NLRC4: variants seen among roughly 807,000 people sequenced by gnomAD.
The protein encoded by NLRC4 is NLR family CARD domain-containing protein 4.
In NLRC4, 63 loss-of-function variants were observed where a neutral mutation model predicts 79.9. The observed-to-expected ratio is 0.79, with a 90% CI of 0.64 to 0.97. The LOEUF is 0.97. NLRC4 is among the 50% of genes least tolerant of loss of function. The probability of loss-of-function intolerance (pLI) is 0.00; values close to 1 mark genes in which losing one functional copy is unlikely to be tolerated. For synonymous variants in NLRC4, 461 were observed against 456.5 expected (o/e 1.01, Z -0.12); for missense variants, 1,074 against 1,215.2 (o/e 0.88, Z 1.73).
At position 32,252,611 on chromosome 2, in the gene NLRC4, T is replaced by C; in HGVS notation, c.70A>G (p.Thr24Ala). The C allele has an allele frequency of 6.2e-7, 1 of 1,614,066 alleles. No individual in the cohort carries two copies. The highest frequency in any genetic ancestry group is 2.2e-5 in the East Asian group (1 of 44,892). ...ACATTCCATACAAATAGGTCATCTG[T>C]GATTTGCTTTATAACAGTCATTCCC... ...RMGMTVIKQITDDLFVWNVLN... is the reference protein window; with the variant it reads ...RMGMTVIKQIADDLFVWNVLN... Residue 24 changes from threonine to alanine, a missense_variant, in exon 3 of 9, where the codon ACA becomes GCA. By Grantham distance (58) the Thr-to-Ala change is moderately conservative (BLOSUM62 0). Transcript: ENST00000402280.
intron 5 of NLRC4, among the ~76,000 whole-genome samples, chr2:32,239,804 G>C (rs528705545): frequency 5.1e-4 from 78 of 152,208 alleles, no homozygotes; most frequent in African/African-American, 1.9e-3. Flanking sequence ...GCTATTTTAG[G>C]TTCTAGTGGA....
intron 5 of NLRC4, among the ~76,000 whole-genome samples, chr2:32,238,532 T>C (rs902040352): frequency 2.6e-5 from 4 of 152,236 alleles, no homozygotes; most frequent in African/African-American, 4.8e-5. Context: ...ATTCTCTTAG[T>C]AGCATGAGAA....
intron 4 of NLRC4, among the ~76,000 whole-genome samples, chr2:32,241,711 AAAC>A (rs1304208635): frequency 6.6e-6 from 1 of 152,164 alleles, no homozygotes; most frequent in Non-Finnish European, 1.5e-5. Flanking sequence ...CTTGGAAATT[AAAC>A]AACACATTTT....
Position 32,235,547 on chromosome 2 carries a change from T to G in NLRC4, c.2636A>C (p.Glu879Ala). Residue 879 changes from glutamate to alanine, a missense_variant, in exon 8 of 9, where the codon GAA (glutamate) becomes GCA (alanine). Physicochemically the swap from Glu to Ala is moderately radical, Grantham distance 107 (BLOSUM62 -1). Transcript: ENST00000402280. ...HELIDRMNVL[E>A]QLTALMLPWG... ...GGGCAGCATCAGTGCGGTGAGCTGT[T>G]CTAGCACGTTCATCCTGTCGACTGG... 1 of 1,614,082 alleles carries G rather than the reference T, an allele frequency of 6.2e-7. No individual in the cohort carries two copies.
At chr2:32,227,299 A>G (rs1686427108) in intron 8 of NLRC4, among the ~76,000 whole-genome samples, 1 of 152,192 alleles carries the variant, frequency 6.6e-6, no homozygotes, top group Non-Finnish European at 1.5e-5. Context: ...AAGCCATGGT[A>G]TAGTTGGGTC....
rs764318350 is a variant in NLRC4, at chr2:32,250,957, C to G, written c.907G>C (p.Asp303His). The part of the protein sequence containing the change: ...LTAEVGDMTE[D>H]SAQALIREVL... ...TCTCGGATGAGAGCCTGGGCGCTGT[C>G]TTCTGTCATATCCCCCACCTCAGCA... Residue 303 changes from aspartate to histidine, a missense_variant, in exon 4 of 9, where the codon GAC becomes CAC. By Grantham distance (81) the Asp-to-His change is moderately conservative. Transcript: ENST00000402280. The surrounding 1 kb of genome is among the most constrained non-coding windows in gnomAD (Gnocchi z 4.9). 4 of 1,614,176 alleles carry G rather than the reference C, an allele frequency of 2.5e-6. No individual in the cohort carries two copies.
At chr2:32,224,858 TC>T (rs2148927877) in intron 8 of NLRC4, 93 bp from the exon 9 acceptor site, 1 of 759,090 alleles carries the variant, frequency 1.3e-6, no homozygotes, top group Non-Finnish European at 2.1e-6. Context: ...TACTTTTTTT[TC>T]ACTCTGAAAT....
In NLRC4 at chr2:32,224,818, A is replaced by AAAG. The variant is rs539204086; in HGVS notation, c.2783-54_2783-53insCTT. The AAAG allele has an allele frequency of 2.5e-3, 2,656 of 1,074,028 alleles. 9 individuals are homozygous for AAAG. Among genetic ancestry groups the AAAG allele is most frequent in the Non-Finnish European group, 3.0e-3 (2,227 of 751,970 alleles). The allele number at this position is 1,074,028 out of a possible 1,614,324, so 66.5% of individuals were successfully genotyped here. A position where few individuals can be genotyped will look rare whatever the true frequency, so the allele number is the denominator to read the frequency against. ...GGAAGAAAAATTTTTTTTAAAAAAA[A>AAAG]AGAGAAATAGGTTCTACATTTATTT... On this transcript the variant is annotated intron_variant, in intron 8 of 8. Transcript: ENST00000402280.
At chr2:32,261,555 C>T (rs1263607890) in intron 1 of NLRC4, among the ~76,000 whole-genome samples, 1 of 149,212 alleles carries the variant, frequency 6.7e-6, no homozygotes, top group Non-Finnish European at 1.5e-5. Context: ...TGTGATCTGC[C>T]TGCCTCGGCC....
intron 8 of NLRC4, among the ~76,000 whole-genome samples, chr2:32,231,582 G>GGA (rs373688367): frequency 4.7e-5 from 5 of 106,580 alleles, no homozygotes; most frequent in South Asian, 3.9e-4. Flanking sequence ...TGTGGGGGGG[G>GGA]GGTGGGGGAC....
chr2:32,224,526 C>A lies in NLRC4; in HGVS notation c.3022G>T (p.Asp1008Tyr). The part of the protein sequence containing the change: ...QEARLVGWQF[D>Y]DDDLSVITGA... ...GTAATAACACTGAGATCATCATCAT[C>A]AAATTGCCACCCAACAAGCCTAGCT... The change falls in exon 9 of 9, where the codon GAT becomes TAT. Residue 1008 changes from aspartate to tyrosine, a missense_variant. Asp to Tyr is a radical substitution (Grantham distance 160). Transcript: ENST00000402280. The A allele has an allele frequency of 6.2e-7, 1 of 1,613,484 alleles. No individual in the cohort carries two copies. The highest frequency in any genetic ancestry group is 1.1e-5 in the South Asian group (1 of 90,996).
intron 8 of NLRC4, among the ~76,000 whole-genome samples, chr2:32,228,123 G>T (rs548956535): frequency 6.6e-6 from 1 of 152,316 alleles, no homozygotes; most frequent in African/African-American, 2.4e-5. Flanking sequence ...CATGGTCCCT[G>T]TCTAAATGGG....
chr2:32,244,633 A>C (rs773838147), intron 4 of NLRC4, among the ~76,000 whole-genome samples: 13 of 152,308 alleles, frequency 8.5e-5, no homozygotes, highest in Non-Finnish European at 1.2e-4. Flanking sequence ...GTCTATGATA[A>C]AAATGTCAAG....
chr2:32,228,037 T>C (rs564679623), intron 8 of NLRC4, among the ~76,000 whole-genome samples: 1 of 152,304 alleles, frequency 6.6e-6, no homozygotes, highest in East Asian at 1.9e-4. Flanking sequence ...TCACTGTTTA[T>C]TCATTCAGCA....
At chr2:32,259,110 T>A (rs926286425) in intron 1 of NLRC4, among the ~76,000 whole-genome samples, 28 of 151,882 alleles carry the variant, frequency 1.8e-4, no homozygotes, top group African/African-American at 6.5e-4. Flanking sequence ...AAAACTCTTT[T>A]TTTGAGACAG....
At position 32,236,317 on chromosome 2, in the gene NLRC4, G is replaced by C; in HGVS notation, c.2544C>G (p.Val848=). The stretch of plus-strand genomic sequence containing the variant: ...CTGATAAATCAAGAATGCTCAGTTT[G>C]ACCAAATTGTGAAGATTCTGAGCTG... ...KILAQNLHNL[V]KLSILDLSEN... Residue 848 remains valine (V), a synonymous_variant, in exon 7 of 9, where the codon GTC becomes GTG. Transcript: ENST00000402280. The C allele has an allele frequency of 6.2e-7, 1 of 1,607,398 alleles. No homozygotes were observed. Among genetic ancestry groups the C allele is most frequent in the Non-Finnish European group, 8.5e-7 (1 of 1,176,984 alleles).
chr2:32,234,082 T>C (rs1686617088), intron 8 of NLRC4, among the ~76,000 whole-genome samples: 1 of 152,102 alleles, frequency 6.6e-6, no homozygotes, highest in Non-Finnish European at 1.5e-5. Flanking sequence ...CTTTTACACT[T>C]AAAAACAGTT....
intron 8 of NLRC4, among the ~76,000 whole-genome samples, chr2:32,224,982 A>G (rs545322504): frequency 6.8e-4 from 104 of 152,306 alleles, no homozygotes; most frequent in African/African-American, 2.4e-3. Flanking sequence ...GTATAAGGGA[A>G]TCTGATAAAT....
At chr2:32,261,330 T>TTTA (rs1287944639) in intron 1 of NLRC4, among the ~76,000 whole-genome samples, 1 of 122,550 alleles carries the variant, frequency 8.2e-6, no homozygotes, top group Non-Finnish European at 1.7e-5. Context: ...TGTTTTTTTT[T>TTTA]GAGATGGAGC....
Sources: allele counts gnomAD v4.1 joint callset (sites outside exome capture counted in the v4.1 genomes callset), GRCh38; gene constraint gnomAD v4.1.1; non-coding constraint Gnocchi (gnomAD v3.1); transcripts MANE v1.5; gene names NCBI Gene and HGNC (gene_info 2026-07-23, HGNC 2026-07-21).